GRM5: variants seen among roughly 807,000 people sequenced by gnomAD.
GRM5 encodes the protein metabotropic glutamate receptor 5.
In GRM5, 19 loss-of-function variants were observed where a neutral mutation model predicts 83.1. That is an observed-to-expected ratio of 0.23 (90% CI 0.16 to 0.34). GRM5 has a LOEUF of 0.34. GRM5 is among the 10% of genes least tolerant of loss of function. GRM5 has a pLI of 1.00. For synonymous variants in GRM5, 675 were observed against 633.6 expected (o/e 1.07, Z -0.98); for missense variants, 1,160 against 1,588.3 (o/e 0.73, Z 4.58).
rs575019155 is a variant in GRM5, at chr11:88,769,490, T to C, written c.911+80416A>G. On this transcript the variant is annotated intron_variant, in intron 3 of 9. Transcript: ENST00000305447. Reference sequence around the variant, plus strand: ...TATTTTCCAAAGAAAGTAACCAGTGTTGCTTGGAGAAATGGCTGGTTCAGG... The same window carrying C: ...TATTTTCCAAAGAAAGTAACCAGTGCTGCTTGGAGAAATGGCTGGTTCAGG... Among the ~76,000 whole-genome samples the C allele has an allele frequency of 2.6e-5, 4 of 152,130 alleles. No individual in the cohort carries two copies. In the East Asian group the frequency reaches 7.8e-4, roughly 29 times the overall value.
chr11:88,653,416 A>T lies in GRM5; in HGVS notation c.912-13T>A, dbSNP rs749978897. On this transcript the variant is annotated splice_polypyrimidine_tract_variant and intron_variant, in intron 3 of 9. Transcript: ENST00000305447. ...AGCCCAGCCATCACTGTGGGGAAATAAAAAAACCCTCAGCTTAGAACAGAT... is the reference window on the plus strand; with the variant it reads ...AGCCCAGCCATCACTGTGGGGAAATTAAAAAACCCTCAGCTTAGAACAGAT... 4.5e-6 allele frequency: 7 copies of T among 1,561,852 alleles called. No homozygotes were observed. Among genetic ancestry groups the T allele is most frequent in the South Asian group, 3.3e-5 (3 of 89,988 alleles).
intron 7 of GRM5, among the ~76,000 whole-genome samples, chr11:88,589,053 T>C (rs1162808917): frequency 6.6e-6 from 1 of 152,154 alleles, no homozygotes; most frequent in African/African-American, 2.4e-5. Flanking sequence ...GTATATTCAT[T>C]CACAAGGTGC....
intron 2 of GRM5, among the ~76,000 whole-genome samples, chr11:89,024,742 A>G (rs1269531440): frequency 6.6e-6 from 1 of 152,236 alleles, no homozygotes; most frequent in African/African-American, 2.4e-5. Flanking sequence ...GAAAAAACAA[A>G]TCTAATACCT....
At chr11:88,789,676 C>T (rs1943136084) in intron 3 of GRM5, among the ~76,000 whole-genome samples, 3 of 152,156 alleles carry the variant, frequency 2.0e-5, no homozygotes, top group Admixed American at 2.0e-4. Context: ...CCTCAAACCA[C>T]ACACCAGTGG....
intron 2 of GRM5, among the ~76,000 whole-genome samples, chr11:88,893,266 A>G (rs1945178851): frequency 6.6e-6 from 1 of 152,104 alleles, no homozygotes; most frequent in African/African-American, 2.4e-5. Flanking sequence ...AAAGGAAAAA[A>G]TATTTTACAT....
At chr11:88,866,746 T>A (rs568109) in intron 2 of GRM5, among the ~76,000 whole-genome samples, 115,999 of 151,938 alleles carry the variant, frequency 0.76, 45,044 homozygotes, top group East Asian at 0.99. Flanking sequence ...TTTTGTTGCC[T>A]TTGCTGTTGG....
chr11:88,524,214 C>CTT lies in GRM5; in HGVS notation c.2726+1093_2726+1094dup, dbSNP rs71470770. 7.0e-3 allele frequency among the ~76,000 whole-genome samples: 707 copies of CTT among 101,378 alleles called. 15 individuals are homozygous for CTT. The highest frequency in any genetic ancestry group is 0.021 in the African/African-American group (471 of 22,214). 66.5% of individuals were successfully genotyped at this position (101,378 alleles called of 152,430 possible). ...TTTTTCTTTCTTTCTTTCTTTCTTTCTTTTTTTTTTTTTTTTTTTTTGAGA... is the reference window on the plus strand; with the variant it reads ...TTTTTCTTTCTTTCTTTCTTTCTTTCTTTTTTTTTTTTTTTTTTTTTTTGAGA... On this transcript the variant is annotated intron_variant, in intron 9 of 9. Coordinates refer to ENST00000305447, the MANE Select transcript of GRM5 (RefSeq NM_001143831.3).
intron 3 of GRM5, among the ~76,000 whole-genome samples, chr11:88,671,750 G>C (rs897360153): frequency 6.6e-6 from 1 of 151,972 alleles, no homozygotes; most frequent in Non-Finnish European, 1.5e-5. Context: ...TTAAAACATT[G>C]GTTCCTTTTG....
intron 3 of GRM5, among the ~76,000 whole-genome samples, chr11:88,685,276 C>G (rs182674664): frequency 8.6e-4 from 131 of 152,142 alleles, no homozygotes; most frequent in Non-Finnish European, 1.3e-4. Flanking sequence ...TTGCTCCTGC[C>G]CTAGAGATTT....
chr11:89,054,081 A>G (rs547030389), intron 1 of GRM5, among the ~76,000 whole-genome samples: 1 of 152,216 alleles, frequency 6.6e-6, no homozygotes, highest in Non-Finnish European at 1.5e-5. Flanking sequence ...GGAGGAACAC[A>G]TTCTACCTAA....
intron 2 of GRM5, among the ~76,000 whole-genome samples, chr11:88,870,337 A>G (rs553988767): frequency 1.1e-4 from 17 of 151,694 alleles, no homozygotes; most frequent in African/African-American, 4.1e-4. Flanking sequence ...AATGAAAATA[A>G]TATTTAAAAA....
Position 89,048,048 on chromosome 11 carries a change from T to C in GRM5, c.-176A>G, listed in dbSNP as rs1941680947. ...CCCCATGTACCATTTAGTTAGATGA[T>C]CCATGTGGTCATGATCTTCTAAACC... On this transcript the variant is annotated 5_prime_UTR_variant, in exon 2 of 10. Transcript: ENST00000305447. The C allele has an allele frequency of 1.7e-6, 1 of 590,592 alleles. No individual in the cohort carries two copies. The highest frequency in any genetic ancestry group is 2.8e-5 in the East Asian group (1 of 35,800). The allele number at this position is 590,592 out of a possible 1,614,324, so 36.6% of individuals were successfully genotyped here.
At chr11:88,572,615 T>C (rs1033999764) in intron 7 of GRM5, among the ~76,000 whole-genome samples, 2 of 152,176 alleles carry the variant, frequency 1.3e-5, no homozygotes, top group Non-Finnish European at 2.9e-5. Flanking sequence ...AATCTCAGAA[T>C]CTTGAAATAA....
At chr11:88,777,766 G>T (rs1942887624) in intron 3 of GRM5, among the ~76,000 whole-genome samples, 1 of 152,196 alleles carries the variant, frequency 6.6e-6, no homozygotes, top group Non-Finnish European at 1.5e-5. Context: ...ACCAGTGGAG[G>T]CTGCAGAACA....
chr11:88,740,608 G>A (rs952840339), intron 3 of GRM5, among the ~76,000 whole-genome samples: 1 of 152,050 alleles, frequency 6.6e-6, no homozygotes, highest in African/African-American at 2.4e-5. Context: ...CTCCACCAGA[G>A]TGACAGAGTT....
At chr11:88,843,719 G>A (rs991342634) in intron 3 of GRM5, among the ~76,000 whole-genome samples, 1 of 152,178 alleles carries the variant, frequency 6.6e-6, no homozygotes, top group Non-Finnish European at 1.5e-5. Context: ...CCAAAAATTA[G>A]GCCTGTTGCA....
chr11:88,611,545 T>C (rs1938317089), intron 4 of GRM5, among the ~76,000 whole-genome samples: 2 of 152,208 alleles, frequency 1.3e-5, no homozygotes, highest in South Asian at 4.1e-4. Flanking sequence ...TGTATGTCCG[T>C]GGGGTCAGTT....
chr11:88,789,600 T>G (rs1943134325), intron 3 of GRM5, among the ~76,000 whole-genome samples: 1 of 152,188 alleles, frequency 6.6e-6, no homozygotes, highest in Non-Finnish European at 1.5e-5. Flanking sequence ...TCTTTTAGAA[T>G]GATAGAAGTC....
intron 3 of GRM5, among the ~76,000 whole-genome samples, chr11:88,822,921 T>C (rs979361356): frequency 3.3e-5 from 5 of 152,034 alleles, no homozygotes; most frequent in Admixed American, 1.3e-4. Flanking sequence ...TTTTCAACCA[T>C]CCAGGAATTA....
Sources: allele counts gnomAD v4.1 joint callset (sites outside exome capture counted in the v4.1 genomes callset), GRCh38; gene constraint gnomAD v4.1.1; transcripts MANE v1.5; gene names NCBI Gene and HGNC (gene_info 2026-07-23, HGNC 2026-07-21).